Variants in NADSYN1 observed in about 807,000 individuals in gnomAD.
NADSYN1 encodes the protein NAD synthetase 1, also known as glutamine-dependent NAD(+) synthetase.
NADSYN1 carries 80 observed loss-of-function variants against 99.3 expected under a neutral mutation model. The ratio of observed to expected loss-of-function variants is 0.81; its 90% CI spans 0.67 to 0.97. The LOEUF (loss-of-function observed/expected upper bound fraction) is 0.97. NADSYN1 is among the 50% of genes least tolerant of loss of function. The pLI, the probability that NADSYN1 is intolerant of heterozygous loss-of-function variation, is 0.00. For missense variants in NADSYN1, 859 were observed against 948.5 expected, an observed-to-expected ratio of 0.91 and a Z score of 1.24; for synonymous variants, 385 against 372.1, an observed-to-expected ratio of 1.03 and a Z score of -0.40.
At chr11:71,488,979 T>C (rs1456950425) in intron 16 of NADSYN1, among the ~76,000 whole-genome samples, 1 of 151,898 alleles carries the variant, frequency 6.6e-6, no homozygotes, top group African/African-American at 2.4e-5. Context: ...AGGGTGGCTT[T>C]GCTGGGGGCC....
At chr11:71,484,543 C>T (rs745836112) in intron 15 of NADSYN1, 96 bp downstream of exon 15, 4 of 1,466,196 alleles carry the variant, frequency 2.7e-6, no homozygotes, top group Non-Finnish European at 3.6e-6. Flanking sequence ...CCTGGGCCAT[C>T]GTCTCCATGA....
At position 71,478,553 on chromosome 11, in the gene NADSYN1, G is replaced by A. The variant is rs60236233; in HGVS notation, c.873+84G>A. On this transcript the variant is annotated intron_variant, in intron 10 of 20. Transcript: ENST00000319023. Reference sequence around the variant, plus strand: ...CATTCGTGCGGGCCTGGTGGAGGCCGTGAGGGTGCAGTGCCTGAAAAGTCT... The same window carrying A: ...CATTCGTGCGGGCCTGGTGGAGGCCATGAGGGTGCAGTGCCTGAAAAGTCT... The A allele has an allele frequency of 7.6e-4, 958 of 1,252,754 alleles. 6 individuals carry two copies. In the African/African-American group the frequency reaches 0.012, roughly 16 times the overall value. The allele number at this position is 1,252,754 out of a possible 1,614,324, so 77.6% of individuals were successfully genotyped here.
intron 9 of NADSYN1, among the ~76,000 whole-genome samples, chr11:71,477,879 A>T (rs1193667802): frequency 1.3e-5 from 2 of 152,136 alleles, no homozygotes; most frequent in East Asian, 3.9e-4. Context: ...TGGGCATGGG[A>T]TGTTTGCCCC....
At chr11:71,473,459 T>C in intron 7 of NADSYN1, 93 bp downstream of exon 7, 2 of 1,514,356 alleles carry the variant, frequency 1.3e-6, no homozygotes, top group East Asian at 2.3e-5. Flanking sequence ...GCCGTGGCCG[T>C]GGCCGTGGCC....
Position 71,498,332 on chromosome 11 carries a change from G to C in NADSYN1, c.1894-20G>C, listed in dbSNP as rs770305028. ...CTCCAGTTTTGGTAACATGAAGCTC[G>C]TGTGTTGCACGCCCACCAGGTCGCT... On this transcript the variant is annotated intron_variant, in intron 19 of 20. Coordinates refer to ENST00000319023, the MANE Select transcript of NADSYN1 (RefSeq NM_018161.5). 6.2e-7 allele frequency: 1 copy of C among 1,613,330 alleles called. No homozygotes were observed. Among genetic ancestry groups the C allele is most frequent in the Non-Finnish European group, 8.5e-7 (1 of 1,179,548 alleles).
rs369129177 is a variant in NADSYN1, at chr11:71,480,815, G to A, written c.934G>A (p.Asp312Asn). 6.2e-7 allele frequency: 1 copy of A among 1,614,058 alleles called. No individual in the cohort carries two copies. Among genetic ancestry groups the A allele is most frequent in the African/African-American group, 1.3e-5 (1 of 74,918 alleles). Residue 312 changes from aspartate to asparagine, a missense_variant, in exon 11 of 21, where the codon GAC becomes AAC. By Grantham distance (23) the Asp-to-Asn change is conservative. Coordinates refer to ENST00000319023, the MANE Select transcript of NADSYN1 (RefSeq NM_018161.5). ...KVDFALSCHE[D>N]LLAPISEPIE... ...GGACTTTGCCCTCTCGTGCCACGAG[G>A]ACTTGCTGGCACCCATCTCTGAGCC...
intron 1 of NADSYN1, among the ~76,000 whole-genome samples, chr11:71,454,636 G>A (rs1949501453): frequency 6.6e-6 from 1 of 152,142 alleles, no homozygotes; most frequent in Non-Finnish European, 1.5e-5. Flanking sequence ...TCCTCCCTAG[G>A]TGCTTGTTGG....
chr11:71,476,004 G>T (rs1256879227), intron 9 of NADSYN1: 4 of 455,848 alleles, frequency 8.8e-6, no homozygotes, highest in Non-Finnish European at 1.8e-5. Flanking sequence ...GTGAGCCACC[G>T]CACCCGGCCT....
At chr11:71,495,125 T>C (rs1211418284) in intron 18 of NADSYN1, among the ~76,000 whole-genome samples, 1 of 152,186 alleles carries the variant, frequency 6.6e-6, no homozygotes, top group Non-Finnish European at 1.5e-5. Context: ...AGGTTGTTGA[T>C]TTGAGATCTT....
At chr11:71,459,863 G>A (rs1949539721) in intron 3 of NADSYN1, 2 of 152,246 alleles carry the variant, frequency 1.3e-5, no homozygotes, top group Non-Finnish European at 2.9e-5. Context: ...TGGTCCTGTG[G>A]ACTCTCTTAG....
chr11:71,490,784 C>T, intron 16 of NADSYN1, 61 bp from the exon 17 acceptor site: 3 of 1,591,558 alleles, frequency 1.9e-6, no homozygotes, highest in Non-Finnish European at 2.6e-6. Flanking sequence ...CCCTGGCTGG[C>T]CAGGGTTGAT....
In NADSYN1 at chr11:71,493,329, AT is replaced by A. The variant is rs146100110; in HGVS notation, c.1764+1428del. ...ATTGTTTTATTAATTTCATGTGTAG[AT>A]TGTTCATTGCTAGTTTATAGAGAAA... On this transcript the variant is annotated intron_variant, in intron 18 of 20. Coordinates refer to ENST00000319023, the MANE Select transcript of NADSYN1 (RefSeq NM_018161.5). Among the ~76,000 whole-genome samples the A allele has an allele frequency of 8.9e-3, 1,362 of 152,272 alleles. 22 individuals carry two copies. Among genetic ancestry groups the A allele is most frequent in the African/African-American group, 0.031 (1,294 of 41,550 alleles).
At chr11:71,462,124 A>G (rs1016303136) in intron 3 of NADSYN1, among the ~76,000 whole-genome samples, 1 of 152,136 alleles carries the variant, frequency 6.6e-6, no homozygotes, top group Non-Finnish European at 1.5e-5. Flanking sequence ...GTTAACCTGA[A>G]AGACGGGTTC....
chr11:71,484,556 C>T, intron 15 of NADSYN1, 109 bp downstream of exon 15: 1 of 1,419,104 alleles, frequency 7.0e-7, no homozygotes, highest in South Asian at 1.4e-5. Context: ...CTCCATGAAG[C>T]TCATGGCACC....
chr11:71,472,314 G>C, intron 5 of NADSYN1, 135 bp from the exon 6 acceptor site: 8 of 754,040 alleles, frequency 1.1e-5, no homozygotes, highest in South Asian at 1.0e-4. Flanking sequence ...TTATTGCATT[G>C]GGGGGAACGC....
chr11:71,464,445 G>A (rs1040424594), intron 5 of NADSYN1: 27 of 278,330 alleles, frequency 9.7e-5, no homozygotes, highest in Non-Finnish European at 1.7e-4. Context: ...GTTACTTGGT[G>A]TGAGCCCCAT....
At chr11:71,496,681 A>G (rs1448608230) in intron 18 of NADSYN1, 2 of 152,144 alleles carry the variant, frequency 1.3e-5, no homozygotes, top group Non-Finnish European at 2.9e-5. Flanking sequence ...TGGCTGCATC[A>G]CTCCATCCTT....
intron 16 of NADSYN1, 103 bp from the exon 17 acceptor site, chr11:71,490,741 CT>C: frequency 6.6e-7 from 1 of 1,506,280 alleles, no homozygotes; most frequent in African/African-American, 1.4e-5. Context: ...ATATGCCACA[CT>C]TCTGGCTTCA....
intron 16 of NADSYN1, among the ~76,000 whole-genome samples, chr11:71,487,174 GA>G (rs1160517297): frequency 6.6e-6 from 1 of 152,088 alleles, no homozygotes; most frequent in East Asian, 1.9e-4. Flanking sequence ...TCTAATTACA[GA>G]AATTTGAAAT....
Sources: gnomAD v4.1 joint callset for allele counts (sites outside exome capture counted in the v4.1 genomes callset) on GRCh38, gnomAD v4.1.1 for gene constraint, MANE v1.5 for transcripts, NCBI Gene and HGNC (gene_info 2026-07-23, HGNC 2026-07-21) for gene names.